Variants in TDRP observed in about 807,000 individuals in gnomAD.
TDRP encodes the protein testis development related protein.
Under a neutral mutation model 10.5 loss-of-function variants are expected in TDRP, and 12 were observed. That is an observed-to-expected ratio of 1.15 (90% CI 0.73 to 1.86). The LOEUF (loss-of-function observed/expected upper bound fraction) is 1.86. Among genes scored for constraint, TDRP ranks in the 40% most tolerant of loss-of-function variants. The probability of loss-of-function intolerance (pLI) is 0.00; values close to 1 mark genes in which losing one functional copy is unlikely to be tolerated. For missense variants in TDRP, 353 were observed against 229.2 expected (o/e 1.54, Z -3.49); for synonymous variants, 139 against 95.4 (o/e 1.46, Z -2.67).
In TDRP at chr8:508,628, A is replaced by G. The variant is rs1801530362; in HGVS notation, c.109-14031T>C. On this transcript the variant is annotated intron_variant, in intron 1 of 2. Coordinates refer to ENST00000324079, the MANE Select transcript of TDRP (RefSeq NM_001384899.1). Reference sequence around the variant, plus strand: ...CCTCTCACCAGGTCCTGCCCTTGATACATTGCGATTATGGGAATTACAATT... The same window carrying G: ...CCTCTCACCAGGTCCTGCCCTTGATGCATTGCGATTATGGGAATTACAATT... 3.3e-5 allele frequency among the ~76,000 whole-genome samples: 5 copies of G among 152,174 alleles called. No individual in the cohort carries two copies. In the South Asian group the frequency reaches 1.0e-3, roughly 32 times the overall value.
At chr8:503,928 A>T (rs1801381737) in intron 1 of TDRP, among the ~76,000 whole-genome samples, 1 of 148,776 alleles carries the variant, frequency 6.7e-6, no homozygotes, top group East Asian at 2.0e-4. Context: ...CCAACATGGA[A>T]TCCAGAGCCA....
At chr8:529,323 T>C (rs1174720289) in intron 1 of TDRP, among the ~76,000 whole-genome samples, 1 of 152,172 alleles carries the variant, frequency 6.6e-6, no homozygotes, top group Non-Finnish European at 1.5e-5. Context: ...AAATCGAGTA[T>C]TTTATATTTT....
At chr8:506,372 C>T (rs545035215) in intron 1 of TDRP, among the ~76,000 whole-genome samples, 1 of 152,318 alleles carries the variant, frequency 6.6e-6, no homozygotes, top group East Asian at 1.9e-4. Flanking sequence ...CACAGGCTCC[C>T]TCTCACTCCA....
intron 1 of TDRP, among the ~76,000 whole-genome samples, chr8:505,299 T>A (rs1419850747): frequency 6.6e-6 from 1 of 152,210 alleles, no homozygotes; most frequent in Non-Finnish European, 1.5e-5. Context: ...CACAAATACC[T>A]CTTCCACCAA....
chr8:496,502 C>CTT (rs1022544260), intron 1 of TDRP, among the ~76,000 whole-genome samples: 2 of 152,206 alleles, frequency 1.3e-5, no homozygotes, highest in Admixed American at 1.3e-4. Context: ...GAACTTAGCT[C>CTT]ACACAAATGG....
At chr8:522,051 G>A (rs1801919166) in intron 1 of TDRP, among the ~76,000 whole-genome samples, 4 of 152,088 alleles carry the variant, frequency 2.6e-5, no homozygotes, top group Admixed American at 2.0e-4. Context: ...GACTTTTCAT[G>A]TTGATATTGT....
chr8:506,632 C>A (rs76096112), intron 1 of TDRP, among the ~76,000 whole-genome samples: 5 of 152,312 alleles, frequency 3.3e-5, no homozygotes, highest in East Asian at 1.9e-4. Flanking sequence ...CAAGCTGATA[C>A]GACTCCCCAC....
chr8:493,739 A>C (rs1801046611), intron 2 of TDRP, among the ~76,000 whole-genome samples: 1 of 151,888 alleles, frequency 6.6e-6, no homozygotes. Flanking sequence ...TTACCAGTCA[A>C]TCCTTTGTAT....
intron 1 of TDRP, among the ~76,000 whole-genome samples, chr8:495,661 C>G (rs1370313826): frequency 6.6e-6 from 1 of 152,146 alleles, no homozygotes; most frequent in East Asian, 1.9e-4. Context: ...GTAGAGCCAG[C>G]TTTAGAATAC....
rs1422826983 is a variant in TDRP, at chr8:490,083, A to C, written c.*2316T>G. On this transcript the variant is annotated 3_prime_UTR_variant, in exon 3 of 3. Coordinates refer to ENST00000324079, the MANE Select transcript of TDRP (RefSeq NM_001384899.1). ...ACAGGACAACTCTCTTCACACAAGG[A>C]AGCTGTGTGTTTACACAATTCAAAC... 1 of 152,232 alleles carries C rather than the reference A, an allele frequency of 6.6e-6. No individual in the cohort carries two copies. Among genetic ancestry groups the C allele is most frequent in the Non-Finnish European group, 1.5e-5 (1 of 68,042 alleles). The allele number at this position is 152,232 out of a possible 1,614,324, so 9.4% of individuals were successfully genotyped here.
rs1303603080 is a variant in TDRP, at chr8:493,990, G to GT, written c.212+503dup. ...TCATCGAACACCACAACTCATTTCT[G>GT]TTGTTTTTTTTTTTTTTTTTTTTGA... On this transcript the variant is annotated intron_variant, in intron 2 of 2. Transcript: ENST00000324079. Among the ~76,000 whole-genome samples, 679 of 79,950 alleles carry GT rather than the reference G, an allele frequency of 8.5e-3. 18 individuals carry two copies. The highest frequency in any genetic ancestry group is 0.019 in the East Asian group (54 of 2,912). 52.5% of individuals were successfully genotyped at this position (79,950 alleles called of 152,430 possible). A position where few individuals can be genotyped will look rare whatever the true frequency, so the allele number is the denominator to read the frequency against.
intron 1 of TDRP, among the ~76,000 whole-genome samples, chr8:534,431 C>G (rs1482570325): frequency 6.6e-6 from 1 of 152,160 alleles, no homozygotes. Context: ...GCTTTAATAC[C>G]TGCTGTTGAT....
chr8:526,195 G>A (rs183923114), intron 1 of TDRP, among the ~76,000 whole-genome samples: 9 of 152,030 alleles, frequency 5.9e-5, no homozygotes, highest in Admixed American at 1.3e-4. Context: ...ACAGGGTTTC[G>A]CTAGGTTGGC....
intron 1 of TDRP, among the ~76,000 whole-genome samples, chr8:528,993 G>A (rs991893249): frequency 1.3e-5 from 2 of 152,140 alleles, no homozygotes; most frequent in African/African-American, 2.4e-5. Flanking sequence ...GATGTTTGAG[G>A]GCAGGAAGCA....
At chr8:543,800 G>A (rs1802561761) in intron 1 of TDRP, among the ~76,000 whole-genome samples, 1 of 151,952 alleles carries the variant, frequency 6.6e-6, no homozygotes, top group African/African-American at 2.4e-5. Context: ...TATTCCATTC[G>A]GCCTTAACAG....
intron 1 of TDRP, among the ~76,000 whole-genome samples, chr8:496,164 G>C (rs1801127975): frequency 6.6e-6 from 1 of 152,154 alleles, no homozygotes; most frequent in African/African-American, 2.4e-5. Flanking sequence ...CTGAGCATCA[G>C]GTATCAGCTT....
intron 1 of TDRP, among the ~76,000 whole-genome samples, chr8:499,760 G>C (rs899066490): frequency 6.6e-6 from 1 of 152,244 alleles, no homozygotes; most frequent in South Asian, 2.1e-4. Context: ...CCCCGGGAAG[G>C]ACAGGAGGGA....
At chr8:506,950 A>G (rs1801482044) in intron 1 of TDRP, among the ~76,000 whole-genome samples, 1 of 152,214 alleles carries the variant, frequency 6.6e-6, no homozygotes, top group Admixed American at 6.5e-5. Context: ...TATAAAGAAT[A>G]ATACCTGGGA....
At chr8:521,127 G>A (rs1482904912) in intron 1 of TDRP, among the ~76,000 whole-genome samples, 2 of 151,666 alleles carry the variant, frequency 1.3e-5, no homozygotes, top group Non-Finnish European at 2.9e-5. Flanking sequence ...CTTTGGCAGG[G>A]AGCAGCAGCT....
Sources: allele counts gnomAD v4.1 joint callset (sites outside exome capture counted in the v4.1 genomes callset), GRCh38; gene constraint gnomAD v4.1.1; transcripts MANE v1.5; gene names NCBI Gene and HGNC (gene_info 2026-07-23, HGNC 2026-07-21).